Variants in CLDN10 observed in about 807,000 individuals in gnomAD.
CLDN10 encodes claudin 10, also known as claudin-10.
Under a neutral mutation model 22.9 loss-of-function variants are expected in CLDN10, and 15 were observed. That is an observed-to-expected ratio of 0.65 (90% CI 0.44 to 1.01). The LOEUF is 1.01. CLDN10 is among the 50% of genes least tolerant of loss of function. The pLI is 0.00. For synonymous variants in CLDN10, 114 were observed against 111.4 expected (o/e 1.02, Z -0.15); for missense variants, 247 against 287.8 (o/e 0.86, Z 1.03).
intron 1 of CLDN10, among the ~76,000 whole-genome samples, chr13:95,523,160 C>T (rs1332020657): frequency 6.6e-6 from 1 of 151,800 alleles, no homozygotes; most frequent in Non-Finnish European, 1.5e-5. Context: ...TATTAATTTG[C>T]TTATTATTCT....
At chr13:95,521,266 A>G (rs1008506523) in intron 1 of CLDN10, among the ~76,000 whole-genome samples, 1 of 152,218 alleles carries the variant, frequency 6.6e-6, no homozygotes, top group African/African-American at 2.4e-5. Flanking sequence ...TCCTGATTTC[A>G]AAAGAAAAAC....
chr13:95,491,220 T>A lies in CLDN10; in HGVS notation c.214+57173T>A, dbSNP rs528400449. On this transcript the variant is annotated intron_variant, in intron 1 of 4. Transcript: ENST00000376873. Reference sequence around the variant, plus strand: ...GTTCTTATCCATTCTGTGGTTCTTCTTTTAAATGGAGCATTTAGACCATTT... The same window carrying A: ...GTTCTTATCCATTCTGTGGTTCTTCATTTAAATGGAGCATTTAGACCATTT... Among the ~76,000 whole-genome samples, 62 of 152,304 alleles carry A rather than the reference T, an allele frequency of 4.1e-4. 1 individual carries two copies. The highest frequency in any genetic ancestry group is 1.5e-3 in the African/African-American group (61 of 41,566).
chr13:95,435,508 C>T (rs910225609), intron 1 of CLDN10, among the ~76,000 whole-genome samples: 12 of 152,142 alleles, frequency 7.9e-5, no homozygotes, highest in Non-Finnish European at 5.9e-5. Context: ...GCGTGGATGC[C>T]TCACTTAGTC....
intron 1 of CLDN10, among the ~76,000 whole-genome samples, chr13:95,489,244 C>A (rs569760956): frequency 6.6e-6 from 1 of 152,120 alleles, no homozygotes; most frequent in Non-Finnish European, 1.5e-5. Flanking sequence ...CCACCACGCC[C>A]GACCCTACTT....
intron 1 of CLDN10, among the ~76,000 whole-genome samples, chr13:95,527,521 G>T (rs1464387606): frequency 6.6e-6 from 1 of 152,010 alleles, no homozygotes; most frequent in African/African-American, 2.4e-5. Flanking sequence ...CCTGAGGTCA[G>T]GAGTTCAAGA....
chr13:95,471,453 A>ATATTTTT (rs776857009), intron 1 of CLDN10, among the ~76,000 whole-genome samples: 26 of 106,388 alleles, frequency 2.4e-4, no homozygotes, highest in South Asian at 3.3e-4. Flanking sequence ...ATATATATAT[A>ATATTTTT]TTTTTTTTTT....
At chr13:95,441,088 C>T (rs543933028) in intron 1 of CLDN10, among the ~76,000 whole-genome samples, 3 of 152,280 alleles carry the variant, frequency 2.0e-5, no homozygotes, top group South Asian at 2.1e-4. Context: ...AGGCACTCAA[C>T]GAAGTTGTGT....
chr13:95,492,089 C>T (rs779127957), intron 1 of CLDN10, among the ~76,000 whole-genome samples: 3 of 152,112 alleles, frequency 2.0e-5, no homozygotes, highest in African/African-American at 7.2e-5. Context: ...TAATGGACTC[C>T]GTGAGGGTCC....
At chr13:95,508,508 C>T (rs12867610) in intron 1 of CLDN10, among the ~76,000 whole-genome samples, 36,145 of 152,220 alleles carry the variant, frequency 0.24, 4,514 homozygotes, top group Middle Eastern at 0.29. Flanking sequence ...ATTGTCCAAA[C>T]ATACATCAAG....
chr13:95,449,621 C>A lies in CLDN10; in HGVS notation c.214+15574C>A, dbSNP rs1397343568. On this transcript the variant is annotated intron_variant, in intron 1 of 4. Transcript: ENST00000376873. Reference sequence around the variant, plus strand: ...CTGCTCTGGCATCTAGGCTGGCGTGCAGTGGTGTGATCATAGCTCACTGTA... The same window carrying A: ...CTGCTCTGGCATCTAGGCTGGCGTGAAGTGGTGTGATCATAGCTCACTGTA... 2.0e-5 allele frequency among the ~76,000 whole-genome samples: 3 copies of A among 152,058 alleles called. 1 individual carries two copies. Among genetic ancestry groups the A allele is most frequent in the Admixed American group, 2.0e-4 (3 of 15,246 alleles).
intron 1 of CLDN10, among the ~76,000 whole-genome samples, chr13:95,460,541 C>T (rs954708132): frequency 1.3e-5 from 2 of 152,168 alleles, no homozygotes; most frequent in African/African-American, 4.8e-5. Flanking sequence ...ACCATTAGAT[C>T]TCATGAAAAC....
intron 1 of CLDN10, among the ~76,000 whole-genome samples, chr13:95,503,907 T>G (rs1449833788): frequency 6.6e-6 from 1 of 152,242 alleles, no homozygotes. Flanking sequence ...TTCTGGGGAC[T>G]GGTTGCACAA....
chr13:95,484,138 G>A (rs1380071440), intron 1 of CLDN10, among the ~76,000 whole-genome samples: 1 of 152,168 alleles, frequency 6.6e-6, no homozygotes, highest in Non-Finnish European at 1.5e-5. Context: ...TTAGTCTCTG[G>A]TAGGATAGCA....
intron 1 of CLDN10, among the ~76,000 whole-genome samples, chr13:95,520,034 G>A (rs765224497): frequency 2.6e-5 from 4 of 152,130 alleles, no homozygotes; most frequent in Non-Finnish European, 5.9e-5. Context: ...GTGTGTGCAC[G>A]TGCGTACGCG....
intron 1 of CLDN10, among the ~76,000 whole-genome samples, chr13:95,530,508 C>T (rs1445819339): frequency 6.6e-6 from 1 of 152,122 alleles, no homozygotes; most frequent in East Asian, 1.9e-4. Context: ...ACTCTTCGCC[C>T]TTCCCTGCCT....
intron 1 of CLDN10, among the ~76,000 whole-genome samples, chr13:95,485,838 GAT>G (rs999714236): frequency 6.6e-6 from 1 of 152,190 alleles, no homozygotes; most frequent in Non-Finnish European, 1.5e-5. Flanking sequence ...GGATGGCCTT[GAT>G]AACCCAGCTC....
intron 1 of CLDN10, among the ~76,000 whole-genome samples, chr13:95,532,366 T>C (rs1022204770): frequency 6.6e-6 from 1 of 152,146 alleles, no homozygotes; most frequent in African/African-American, 2.4e-5. Flanking sequence ...AAGAAGGTAT[T>C]TGAATGGGCA....
At chr13:95,505,749 C>CTT (rs34828390) in intron 1 of CLDN10, among the ~76,000 whole-genome samples, 2,616 of 103,560 alleles carry the variant, frequency 0.025, 81 homozygotes, top group African/African-American at 0.055. Context: ...CCTTCCCTTT[C>CTT]TTTTTTTTTT....
chr13:95,504,903 T>C (rs1451690811), intron 1 of CLDN10, among the ~76,000 whole-genome samples: 4 of 152,168 alleles, frequency 2.6e-5, no homozygotes, highest in African/African-American at 9.7e-5. Flanking sequence ...ATTATTACAC[T>C]GGAAATTCTC....
Sources: gnomAD v4.1 joint callset for allele counts (sites outside exome capture counted in the v4.1 genomes callset) on GRCh38, gnomAD v4.1.1 for gene constraint, MANE v1.5 for transcripts, NCBI Gene and HGNC (gene_info 2026-07-23, HGNC 2026-07-21) for gene names.